The following DNAH12 variants were observed in gnomAD, a reference collection of about 807,000 sequenced individuals.
DNAH12 encodes the protein dynein axonemal heavy chain 12, also known as axonemal beta dynein heavy chain 12.
In DNAH12, 285 loss-of-function variants were observed where a neutral mutation model predicts 371.5. The observed-to-expected ratio is 0.77, with a 90% CI of 0.70 to 0.85. DNAH12 has a LOEUF of 0.85. Among genes scored for constraint, DNAH12 ranks in the 40% least tolerant of loss-of-function variants. The pLI, the probability that DNAH12 is intolerant of heterozygous loss-of-function variation, is 0.00. For synonymous variants in DNAH12, 1,200 were observed against 1,213.0 expected (o/e 0.99, Z 0.22); for missense variants, 3,611 against 3,689.4 (o/e 0.98, Z 0.55).
intron 35 of DNAH12, among the ~76,000 whole-genome samples, chr3:57,421,934 C>T (rs560555034): frequency 2.3e-5 from 2 of 88,024 alleles, no homozygotes; most frequent in South Asian, 5.6e-4. Context: ...GAGACAGCGC[C>T]TCTCTCTGGT....
intron 4 of DNAH12, among the ~76,000 whole-genome samples, chr3:57,521,853 C>T (rs1334344694): frequency 2.6e-5 from 4 of 152,068 alleles, no homozygotes; most frequent in Non-Finnish European, 5.9e-5. Context: ...CACCACTGCA[C>T]GCCAGCCTAG....
intron 4 of DNAH12, among the ~76,000 whole-genome samples, chr3:57,513,559 T>C (rs1385508606): frequency 6.6e-6 from 1 of 152,236 alleles, no homozygotes; most frequent in Non-Finnish European, 1.5e-5. Context: ...AAGATGGTTT[T>C]ATGTTATGTG....
chr3:57,334,488 G>T lies in DNAH12; in HGVS notation c.9955C>A (p.Leu3319Ile), dbSNP rs996051502. Residue 3319 changes from leucine (L) to isoleucine (I), a missense_variant, in exon 62 of 74, where the codon CTT (leucine) becomes ATT (isoleucine). Transcript: ENST00000495027. ...NLNELQKIIILRCLRPDKITP... is the reference protein window; with the variant it reads ...NLNELQKIIIIRCLRPDKITP... ...ACCTTATCAGGTCTTAAACACCGAA[G>T]AATTATTATTTTCTGTAGTTCATTT... The T allele has an allele frequency of 1.9e-6, 3 of 1,549,134 alleles. No individual in the cohort carries two copies. The highest frequency in any genetic ancestry group is 4.9e-5 in the East Asian group (2 of 40,834).
chr3:57,420,538 T>C lies in DNAH12; in HGVS notation c.5562+980A>G, dbSNP rs191936160. Among the ~76,000 whole-genome samples the C allele has an allele frequency of 2.6e-5, 4 of 152,346 alleles. No individual in the cohort carries two copies. The East Asian group carries it at 7.7e-4, about 29-fold the overall frequency. On this transcript the variant is annotated intron_variant, in intron 36 of 73. Transcript: ENST00000495027. ...AAGGTTAAGAAAAACAGCATTTCCC[T>C]ACTGTCACTTTCCCTTTCCTAGAGA...
At chr3:57,524,631 G>A (rs143590980) in intron 2 of DNAH12, among the ~76,000 whole-genome samples, 1 of 152,144 alleles carries the variant, frequency 6.6e-6, no homozygotes, top group African/African-American at 2.4e-5. Flanking sequence ...GTACCCTGTG[G>A]TTCAGAGAGG....
chr3:57,324,636 T>G (rs975121359), intron 62 of DNAH12, among the ~76,000 whole-genome samples: 1 of 152,098 alleles, frequency 6.6e-6, no homozygotes, highest in African/African-American at 2.4e-5. Flanking sequence ...GCTCCCAGCG[T>G]GAGCCACGCA....
At chr3:57,388,675 C>A (rs1263575895) in intron 45 of DNAH12, among the ~76,000 whole-genome samples, 5 of 151,994 alleles carry the variant, frequency 3.3e-5, no homozygotes, top group African/African-American at 1.2e-4. Flanking sequence ...GAGGCTTAGA[C>A]TGGATTAAGA....
In DNAH12 at chr3:57,472,649, T is replaced by A; in HGVS notation, c.1673A>T (p.Tyr558Phe). 1.3e-6 allele frequency: 2 copies of A among 1,550,816 alleles called. No homozygotes were observed. The highest frequency in any genetic ancestry group is 1.7e-6 in the Non-Finnish European group (2 of 1,146,662). ...RIQESKRQMSYFLDVFLFPQE... is the reference protein window; with the variant it reads ...RIQESKRQMSFFLDVFLFPQE... ...AGGAAATAGGAAAACATCTAAAAAG[T>A]AACTCATTTGGCGTTTAGATTCCTA... The change falls in exon 14 of 74, where the codon TAC becomes TTC. Residue 558 changes from tyrosine to phenylalanine, a missense_variant. Coordinates refer to ENST00000495027, the MANE Select transcript of DNAH12 (RefSeq NM_001366028.2).
intron 38 of DNAH12, among the ~76,000 whole-genome samples, chr3:57,414,349 TAACC>T (rs1339023063): frequency 2.6e-5 from 4 of 152,232 alleles, no homozygotes; most frequent in Non-Finnish European, 4.4e-5. Flanking sequence ...CCTCACTGGA[TAACC>T]AACATATTTT....
At chr3:57,549,319 C>A (rs1345371205), upstream of DNAH12, among the ~76,000 whole-genome samples, 1 of 152,164 alleles carries the variant, frequency 6.6e-6, no homozygotes, top group East Asian at 1.9e-4. Context: ...AGTTCGAGAC[C>A]AGCCTGGCCA....
Position 57,502,569 on chromosome 3 carries a change from A to C in DNAH12, c.1087-90T>G, listed in dbSNP as rs966809223. 7.1e-5 allele frequency: 96 copies of C among 1,343,802 alleles called. No individual in the cohort carries two copies. In the East Asian group the frequency reaches 2.4e-3, roughly 34 times the overall value. 83.2% of individuals were successfully genotyped at this position (1,343,802 alleles called of 1,614,324 possible). ...GTAGATCTTTTTTTTTTTCCTTTGGAGACGGAGTCTTGCTCTATCACCCAG... is the reference window on the plus strand; with the variant it reads ...GTAGATCTTTTTTTTTTTCCTTTGGCGACGGAGTCTTGCTCTATCACCCAG... On this transcript the variant is annotated intron_variant, in intron 9 of 73. Transcript: ENST00000495027.
chr3:57,365,477 G>A (rs1254020898), intron 57 of DNAH12, among the ~76,000 whole-genome samples: 1 of 152,094 alleles, frequency 6.6e-6, no homozygotes, highest in Non-Finnish European at 1.5e-5. Context: ...GGAGGAGGGA[G>A]AGCATCAGGA....
intron 6 of DNAH12, 45 bp from the exon 7 acceptor site, chr3:57,508,585 C>T (rs374371846): frequency 5.8e-6 from 9 of 1,564,242 alleles, no homozygotes; most frequent in Middle Eastern, 1.7e-4. Flanking sequence ...AAATAATACA[C>T]CCTAAACTTT....
intron 35 of DNAH12, among the ~76,000 whole-genome samples, chr3:57,423,738 C>A (rs1482345050): frequency 2.6e-5 from 4 of 152,190 alleles, no homozygotes; most frequent in Non-Finnish European, 5.9e-5. Context: ...CTAACCAAGA[C>A]TACTGACTTC....
Position 57,296,335 on chromosome 3 carries a change from TC to T in DNAH12, c.11624+8del. On this transcript the variant is annotated splice_region_variant and intron_variant, in intron 72 of 73. Transcript: ENST00000495027. ...AAATGAAGAGGTCCTGGCAGCTGAA[TC>T]CACTGACCTTTCTCGGTCCCAGCGT... The T allele has an allele frequency of 6.5e-7, 1 of 1,538,576 alleles. No homozygotes were observed. The highest frequency in any genetic ancestry group is 1.4e-5 in the African/African-American group (1 of 72,918).
At chr3:57,411,352 AACCTGTCTCT>A (rs1206220796) in intron 39 of DNAH12, among the ~76,000 whole-genome samples, 1 of 151,846 alleles carries the variant, frequency 6.6e-6, no homozygotes, top group Non-Finnish European at 1.5e-5. Context: ...ACATGGTGAA[AACCTGTCTCT>A]ACTAAAAACA....
intron 2 of DNAH12, among the ~76,000 whole-genome samples, chr3:57,541,952 CAA>C (rs2069304244): frequency 6.6e-6 from 1 of 151,976 alleles, no homozygotes; most frequent in South Asian, 2.1e-4. Flanking sequence ...AGAAATCCAC[CAA>C]AGAGAAAACC....
At chr3:57,315,308 A>C (rs1467973558) in intron 65 of DNAH12, among the ~76,000 whole-genome samples, 1 of 151,674 alleles carries the variant, frequency 6.6e-6, no homozygotes, top group Non-Finnish European at 1.5e-5. Context: ...TTTTCATATA[A>C]TGCAGTAGTA....
chr3:57,483,379 G>A lies in DNAH12; in HGVS notation c.1647C>T (p.Ile549=), dbSNP rs1209997097. ...TVGIEELILR[I]QESKRQMSYF... is the part of the protein sequence containing the mutation. ...TATGCAAATTAAAATTCCTTACCTG[G>A]ATCCTTAAAATCAACTCTTCGATTC... The change falls in exon 13 of 74, where the codon ATC becomes ATT. Residue 549 remains isoleucine (I), a synonymous_variant. Coordinates refer to ENST00000495027, the MANE Select transcript of DNAH12 (RefSeq NM_001366028.2). 1 of 1,542,468 alleles carries A rather than the reference G, an allele frequency of 6.5e-7. No homozygotes were observed.
Sources: gnomAD v4.1 joint callset for allele counts (sites outside exome capture counted in the v4.1 genomes callset) on GRCh38, gnomAD v4.1.1 for gene constraint, MANE v1.5 for transcripts, NCBI Gene and HGNC (gene_info 2026-07-23, HGNC 2026-07-21) for gene names.